The following RANBP2 variants were observed in gnomAD, a reference collection of about 807,000 sequenced individuals.
RANBP2 encodes E3 SUMO-protein ligase RanBP2.
RANBP2 carries 57 observed loss-of-function variants against 303.6 expected under a neutral mutation model. That is an observed-to-expected ratio of 0.19 (90% CI 0.15 to 0.23). The LOEUF is 0.23. Ranked by LOEUF, RANBP2 falls within the 10% of genes least tolerant of loss-of-function variation. RANBP2 has a pLI of 1.00. For missense variants in RANBP2, 3,138 were observed against 3,780.8 expected, an observed-to-expected ratio of 0.83 and a Z score of 4.46; for synonymous variants, 1,167 against 1,301.5, an observed-to-expected ratio of 0.90 and a Z score of 2.23.
At chr2:108,807,860 C>T in the RANBP2 span, among the ~76,000 whole-genome samples, 5 of 152,210 alleles carry the variant, frequency 3.3e-5, no homozygotes, top group South Asian at 4.1e-4. Context: ...CCACCTGCCT[C>T]GGCCTCCCGA....
At chr2:109,278,637 C>T in the RANBP2 span, among the ~76,000 whole-genome samples, 3 of 152,336 alleles carry the variant, frequency 2.0e-5, no homozygotes, top group East Asian at 5.8e-4. Flanking sequence ...GAACATCTGC[C>T]TGGCTTGGCT....
the RANBP2 span, among the ~76,000 whole-genome samples, chr2:108,964,542 A>C: frequency 6.6e-6 from 1 of 152,224 alleles, no homozygotes; most frequent in Non-Finnish European, 1.5e-5. Context: ...CCAAAAGCCC[A>C]ACCAAACCAC....
chr2:109,316,039 T>G, the RANBP2 span, among the ~76,000 whole-genome samples: 1 of 152,222 alleles, frequency 6.6e-6, no homozygotes, highest in Non-Finnish European at 1.5e-5. Flanking sequence ...ATTGCAAAGA[T>G]TCCCAGTATT....
At chr2:108,821,016 A>AT in the RANBP2 span, among the ~76,000 whole-genome samples, 3 of 53,352 alleles carry the variant, frequency 5.6e-5, no homozygotes, top group Admixed American at 4.8e-4. Context: ...AGACAAAAGT[A>AT]TTAAAAAAAA....
the RANBP2 span, among the ~76,000 whole-genome samples, chr2:109,421,040 A>G: frequency 1.3e-5 from 2 of 152,132 alleles, no homozygotes; most frequent in African/African-American, 4.8e-5. Context: ...AAAAGATACT[A>G]CCTCCATCTC....
In RANBP2 at chr2:108,765,660, A is replaced by G. The variant is rs139110166; in HGVS notation, c.5121A>G (p.Ser1707=). The change falls in exon 20 of 29, where the codon TCA becomes TCG. Residue 1707 remains serine, a synonymous_variant. Transcript: ENST00000283195. ...TTSAVSTPAS[S]ETSKAPKSGF... ...CTGCAGTTTCAACACCTGCCTCTTC[A>G]GAGACAAGCAAGGCTCCAAAGAGCG... The G allele has an allele frequency of 2.5e-6, 4 of 1,604,848 alleles. No homozygotes were observed. The African/African-American group carries it at 4.1e-5, about 17-fold the overall frequency.
chr2:109,255,256 C>T, the RANBP2 span, among the ~76,000 whole-genome samples: 67 of 152,270 alleles, frequency 4.4e-4, no homozygotes, highest in South Asian at 8.3e-4. Context: ...GGAAGTATCT[C>T]CCAGTGAATG....
At chr2:109,341,869 A>G in the RANBP2 span, among the ~76,000 whole-genome samples, 10 of 152,358 alleles carry the variant, frequency 6.6e-5, 1 homozygote, top group African/African-American at 2.4e-4. Context: ...AAGGCTGGAA[A>G]ATGAAGGCTT....
chr2:109,405,257 G>C, the RANBP2 span, among the ~76,000 whole-genome samples: 1 of 152,092 alleles, frequency 6.6e-6, no homozygotes, highest in South Asian at 2.1e-4. Flanking sequence ...CCGCAAACCT[G>C]CTTCCCCTTC....
At chr2:109,353,771 TC>T in the RANBP2 span, among the ~76,000 whole-genome samples, 1 of 152,126 alleles carries the variant, frequency 6.6e-6, no homozygotes, top group South Asian at 2.1e-4. Context: ...CGAGAGAGTC[TC>T]CCCTGCCCGT....
the RANBP2 span, among the ~76,000 whole-genome samples, chr2:109,232,784 A>G: frequency 9.1e-4 from 139 of 152,306 alleles, no homozygotes; most frequent in Non-Finnish European, 1.7e-3. Context: ...GGGTCCCCTA[A>G]ACACAGCTGA....
At chr2:109,223,175 G>A in the RANBP2 span, among the ~76,000 whole-genome samples, 1 of 152,248 alleles carries the variant, frequency 6.6e-6, no homozygotes, top group African/African-American at 2.4e-5. Flanking sequence ...CATGGGTGCT[G>A]CTGCCACAGA....
the RANBP2 span, among the ~76,000 whole-genome samples, chr2:109,727,563 T>G: frequency 1.3e-5 from 2 of 152,160 alleles, no homozygotes; most frequent in South Asian, 4.1e-4. Flanking sequence ...TGGGGTGAGA[T>G]GACTGATTTG....
chr2:109,532,583 T>C, the RANBP2 span, among the ~76,000 whole-genome samples: 21,426 of 151,976 alleles, frequency 0.14, 2,076 homozygotes, highest in African/African-American at 0.28. Flanking sequence ...TGCTCCTTAT[T>C]TCTCTCAGGT....
chr2:109,133,678 G>A, the RANBP2 span, among the ~76,000 whole-genome samples: 6 of 147,992 alleles, frequency 4.1e-5, no homozygotes, highest in South Asian at 1.1e-3. Flanking sequence ...TTTTGTTAGT[G>A]TTTGAGTCTT....
At chr2:109,338,046 A>T in the RANBP2 span, among the ~76,000 whole-genome samples, 5 of 151,902 alleles carry the variant, frequency 3.3e-5, no homozygotes, top group South Asian at 1.0e-3. Context: ...TCTGTTTTTG[A>T]TGGAGCTTGC....
At chr2:109,035,858 A>C in the RANBP2 span, among the ~76,000 whole-genome samples, 1 of 152,232 alleles carries the variant, frequency 6.6e-6, no homozygotes, top group Admixed American at 6.5e-5. Context: ...ATAAACACCC[A>C]AAACTACAAA....
At chr2:109,481,837 T>A in the RANBP2 span, among the ~76,000 whole-genome samples, 1 of 151,916 alleles carries the variant, frequency 6.6e-6, no homozygotes, top group Admixed American at 6.6e-5. Flanking sequence ...AGGGGCAAGG[T>A]GCCTGCCCAG....
In RANBP2 at chr2:108,783,940, A is replaced by G; in HGVS notation, c.*39A>G. The G allele has an allele frequency of 6.5e-7, 1 of 1,544,154 alleles. No individual in the cohort carries two copies. The highest frequency in any genetic ancestry group is 1.1e-5 in the South Asian group (1 of 88,264). On this transcript the variant is annotated 3_prime_UTR_variant, in exon 29 of 29. Coordinates refer to ENST00000283195, the MANE Select transcript of RANBP2 (RefSeq NM_006267.5). ...CATAGAAAATTTCATCTGTATAAGC[A>G]GTTGGATTGAAGCTTAGCTATTACA...
Sources: gnomAD v4.1 joint callset for allele counts (sites outside exome capture counted in the v4.1 genomes callset) on GRCh38, gnomAD v4.1.1 for gene constraint, MANE v1.5 for transcripts, NCBI Gene and HGNC (gene_info 2026-07-23, HGNC 2026-07-21) for gene names.